Variants in CDH13 observed in about 807,000 individuals in gnomAD.
CDH13 encodes the protein cadherin-13.
CDH13 carries 24 observed loss-of-function variants against 63.8 expected under a neutral mutation model. The ratio of observed to expected loss-of-function variants is 0.38; its 90% CI spans 0.27 to 0.53. CDH13 has a LOEUF of 0.53. Ranked by LOEUF, CDH13 falls within the 20% of genes least tolerant of loss-of-function variation. The pLI is 0.85. For synonymous variants in CDH13, 503 were observed against 355.3 expected (o/e 1.42, Z -4.67); for missense variants, 1,049 against 903.1 (o/e 1.16, Z -2.07).
chr16:82,628,068 G>C (rs1009733892), intron 1 of CDH13, among the ~76,000 whole-genome samples: 18 of 152,360 alleles, frequency 1.2e-4, no homozygotes, highest in African/African-American at 4.1e-4. Context: ...GAGATTTCGG[G>C]AAGTTTGAGT....
At chr16:83,746,057 T>C (rs1267541320) in intron 10 of CDH13, among the ~76,000 whole-genome samples, 1 of 152,200 alleles carries the variant, frequency 6.6e-6, no homozygotes. Flanking sequence ...CTCAGAGTCC[T>C]CATCTGTAAG....
At chr16:82,984,015 G>T (rs1910622294) in intron 2 of CDH13, among the ~76,000 whole-genome samples, 1 of 152,216 alleles carries the variant, frequency 6.6e-6, no homozygotes, top group Non-Finnish European at 1.5e-5. Flanking sequence ...AAGCTGGACT[G>T]GGAAGCCCAC....
intron 11 of CDH13, among the ~76,000 whole-genome samples, chr16:83,773,327 C>G (rs939840169): frequency 1.4e-4 from 22 of 152,160 alleles, no homozygotes; most frequent in African/African-American, 5.3e-4. Context: ...ATAGCTACTA[C>G]TCGATACTGG....
intron 4 of CDH13, among the ~76,000 whole-genome samples, chr16:83,180,174 T>G (rs375380073): frequency 7.5e-4 from 113 of 149,850 alleles, no homozygotes; most frequent in Admixed American, 4.9e-3. Flanking sequence ...TTGTTTGTTT[T>G]TTTTATTAGG....
intron 4 of CDH13, among the ~76,000 whole-genome samples, chr16:83,186,279 C>T (rs528483480): frequency 7.2e-5 from 11 of 152,080 alleles, no homozygotes; most frequent in East Asian, 3.9e-4. Flanking sequence ...GCTGGGACTA[C>T]GGGCACATAC....
At chr16:83,610,142 G>GT (rs1404867018) in intron 8 of CDH13, among the ~76,000 whole-genome samples, 4 of 151,946 alleles carry the variant, frequency 2.6e-5, no homozygotes, top group Non-Finnish European at 5.9e-5. Flanking sequence ...GGCAGTTTCA[G>GT]TTTTTGGCTA....
At chr16:83,272,275 G>C (rs1183157761) in intron 5 of CDH13, among the ~76,000 whole-genome samples, 1 of 152,202 alleles carries the variant, frequency 6.6e-6, no homozygotes, top group Non-Finnish European at 1.5e-5. Flanking sequence ...TAAGACCTGT[G>C]TAGAATTAAG....
chr16:83,101,676 C>G (rs2034485316), intron 3 of CDH13, among the ~76,000 whole-genome samples: 1 of 152,114 alleles, frequency 6.6e-6, no homozygotes, highest in Non-Finnish European at 1.5e-5. Flanking sequence ...TGCATGTCAT[C>G]CCAGCTACTG....
intron 4 of CDH13, among the ~76,000 whole-genome samples, chr16:83,141,999 G>GC (rs2036549956): frequency 6.6e-6 from 1 of 152,092 alleles, no homozygotes; most frequent in African/African-American, 2.4e-5. Flanking sequence ...TGGCTGAAAA[G>GC]CCCCAGAAAG....
At chr16:83,101,586 G>C (rs1372707516) in intron 3 of CDH13, among the ~76,000 whole-genome samples, 1 of 152,100 alleles carries the variant, frequency 6.6e-6, no homozygotes, top group Admixed American at 6.6e-5. Flanking sequence ...ATGAGGTCAG[G>C]AGTTCGAGAC....
chr16:83,145,789 C>T lies in CDH13; in HGVS notation c.483+20288C>T, dbSNP rs112429650. 8.2e-3 allele frequency among the ~76,000 whole-genome samples: 1,253 copies of T among 152,210 alleles called. 16 individuals carry two copies. Among genetic ancestry groups the T allele is most frequent in the African/African-American group, 0.028 (1,162 of 41,514 alleles). On this transcript the variant is annotated intron_variant, in intron 4 of 13. Coordinates refer to ENST00000567109, the MANE Select transcript of CDH13 (RefSeq NM_001257.5). ...GGCTAGCAGACCAGCCTGGGTTCTG[C>T]CCTTATTGGAATCTTTCACCTTCTA... is the stretch of plus-strand genomic sequence containing the variant.
At chr16:83,618,487 G>A (rs1311037682) in intron 8 of CDH13, among the ~76,000 whole-genome samples, 1 of 151,606 alleles carries the variant, frequency 6.6e-6, no homozygotes, top group Non-Finnish European at 1.5e-5. Flanking sequence ...TTTTATAGAT[G>A]AGGGGTCCTG....
chr16:83,356,459 C>G (rs567509347), intron 6 of CDH13, among the ~76,000 whole-genome samples: 1 of 152,206 alleles, frequency 6.6e-6, no homozygotes, highest in Admixed American at 6.5e-5. Context: ...ATCCATCAGT[C>G]AAGACAGGCC....
In CDH13 at chr16:83,798,208, C is replaced by T. The variant is rs1904292367; in HGVS notation, c.*3178C>T. 1 of 152,174 alleles carries T rather than the reference C, an allele frequency of 6.6e-6. No homozygotes were observed. The highest frequency in any genetic ancestry group is 2.4e-5 in the African/African-American group (1 of 41,438). The allele number at this position is 152,174 out of a possible 1,614,324, so 9.4% of individuals were successfully genotyped here. A position where few individuals can be genotyped will look rare whatever the true frequency, so the allele number is the denominator to read the frequency against. On this transcript the variant is annotated 3_prime_UTR_variant, in exon 14 of 14. Transcript: ENST00000567109. ...ATAGAGTAGCTCAAATTGCATTTTACCCAAATAAATACACTGGGTCTTAAT... is the reference window on the plus strand; with the variant it reads ...ATAGAGTAGCTCAAATTGCATTTTATCCAAATAAATACACTGGGTCTTAAT...
chr16:82,693,264 A>G (rs750921619), intron 1 of CDH13, among the ~76,000 whole-genome samples: 4 of 152,196 alleles, frequency 2.6e-5, no homozygotes, highest in Non-Finnish European at 5.9e-5. Flanking sequence ...CAGTTAACCC[A>G]TGGTTGAATA....
intron 7 of CDH13, among the ~76,000 whole-genome samples, chr16:83,577,862 A>T (rs1163625236): frequency 1.2e-4 from 19 of 152,246 alleles, no homozygotes; most frequent in African/African-American, 4.6e-4. Context: ...ACATTGCATA[A>T]CTACATCACC....
intron 4 of CDH13, among the ~76,000 whole-genome samples, chr16:83,185,259 G>T (rs903717037): frequency 1.3e-5 from 2 of 152,072 alleles, no homozygotes; most frequent in African/African-American, 2.4e-5. Flanking sequence ...ACGCTATGGG[G>T]CTTTGAGCAA....
intron 4 of CDH13, among the ~76,000 whole-genome samples, chr16:83,194,546 A>G (rs1028725515): frequency 6.6e-6 from 1 of 152,228 alleles, no homozygotes; most frequent in Non-Finnish European, 1.5e-5. Flanking sequence ...ATTCAGGGCC[A>G]TCTCCTGTAA....
chr16:83,185,983 A>G (rs1754820137), intron 4 of CDH13, among the ~76,000 whole-genome samples: 1 of 152,204 alleles, frequency 6.6e-6, no homozygotes, highest in Admixed American at 6.5e-5. Flanking sequence ...GAAGAAAAGA[A>G]ATTATACCTT....
Sources: gnomAD v4.1 joint callset for allele counts (sites outside exome capture counted in the v4.1 genomes callset) on GRCh38, gnomAD v4.1.1 for gene constraint, MANE v1.5 for transcripts, NCBI Gene and HGNC (gene_info 2026-07-23, HGNC 2026-07-21) for gene names.